AKT3: variants seen among roughly 807,000 people sequenced by gnomAD.
The protein encoded by AKT3 is AKT serine/threonine kinase 3.
In AKT3, 15 loss-of-function variants were observed where a neutral mutation model predicts 65.3. That is an observed-to-expected ratio of 0.23 (90% confidence interval 0.15 to 0.35). AKT3 has a LOEUF of 0.35. Ranked by LOEUF, AKT3 falls within the 10% of genes least tolerant of loss-of-function variation. The probability of loss-of-function intolerance (pLI) is 1.00; values close to 1 mark genes in which losing one functional copy is unlikely to be tolerated. For missense variants in AKT3, 243 were observed against 576.5 expected, an observed-to-expected ratio of 0.42 and a Z score of 5.92; for synonymous variants, 206 against 183.8, an observed-to-expected ratio of 1.12 and a Z score of -0.98.
chr1:243,732,882 C>G (rs1311465842), intron 2 of AKT3, among the ~76,000 whole-genome samples: 1 of 152,170 alleles, frequency 6.6e-6, no homozygotes, highest in Non-Finnish European at 1.5e-5. Context: ...GTAAACAGGA[C>G]TACTCTACAT....
At chr1:243,717,996 T>C (rs563820543) in intron 2 of AKT3, among the ~76,000 whole-genome samples, 1 of 152,356 alleles carries the variant, frequency 6.6e-6, no homozygotes, top group Admixed American at 6.5e-5. Flanking sequence ...AACATTTCTA[T>C]GATTACACCC....
intron 2 of AKT3, among the ~76,000 whole-genome samples, chr1:243,834,979 G>A (rs1485035488): frequency 2.0e-5 from 3 of 152,064 alleles, no homozygotes; most frequent in African/African-American, 7.2e-5. Context: ...TCAGAAGTGG[G>A]GGCAAATATA....
intron 8 of AKT3, among the ~76,000 whole-genome samples, chr1:243,582,164 A>G (rs1276682437): frequency 1.3e-5 from 2 of 152,156 alleles, no homozygotes; most frequent in Non-Finnish European, 2.9e-5. Context: ...CAATGTGGAA[A>G]ATATATTTGA....
intron 2 of AKT3, among the ~76,000 whole-genome samples, chr1:243,716,069 A>C (rs1229193168): frequency 6.6e-6 from 1 of 152,156 alleles, no homozygotes; most frequent in Non-Finnish European, 1.5e-5. Context: ...ATTTGTCTGT[A>C]AGGAAAAATT....
intron 2 of AKT3, among the ~76,000 whole-genome samples, chr1:243,761,148 C>T (rs976393863): frequency 2.6e-5 from 4 of 152,128 alleles, no homozygotes; most frequent in Admixed American, 2.0e-4. Context: ...ACTTCAAATA[C>T]TGAAAGTATC....
chr1:243,623,566 G>A (rs1678925198), intron 6 of AKT3, among the ~76,000 whole-genome samples: 1 of 152,130 alleles, frequency 6.6e-6, no homozygotes, highest in Non-Finnish European at 1.5e-5. Context: ...CTGGAATGGG[G>A]ACACTCCTCT....
chr1:243,751,747 A>G (rs912831845), intron 2 of AKT3, among the ~76,000 whole-genome samples: 3 of 152,058 alleles, frequency 2.0e-5, no homozygotes. Flanking sequence ...CTGAAACAGG[A>G]CCCAGCCCAC....
At chr1:243,752,660 C>T (rs1352333102) in intron 2 of AKT3, among the ~76,000 whole-genome samples, 1 of 152,174 alleles carries the variant, frequency 6.6e-6, no homozygotes, top group Non-Finnish European at 1.5e-5. Flanking sequence ...AACAGAAACA[C>T]TTTGCAGGTA....
chr1:243,805,633 T>A (rs905976049), intron 2 of AKT3, among the ~76,000 whole-genome samples: 142 of 152,310 alleles, frequency 9.3e-4, no homozygotes, highest in African/African-American at 3.3e-3. Context: ...GCCCCTTTAA[T>A]TTCATTTCCT....
chr1:243,624,940 C>T (rs997785567), intron 6 of AKT3: 1 of 270,394 alleles, frequency 3.7e-6, no homozygotes, highest in South Asian at 5.5e-5. Flanking sequence ...CTGATAATCA[C>T]TCTTGGTTTG....
intron 3 of AKT3, among the ~76,000 whole-genome samples, chr1:243,677,318 T>C (rs1034307765): frequency 6.6e-6 from 1 of 152,214 alleles, no homozygotes; most frequent in Non-Finnish European, 1.5e-5. Flanking sequence ...CTTCATCATA[T>C]GCTGTGATTT....
At chr1:243,710,319 A>G (rs889288593) in intron 2 of AKT3, among the ~76,000 whole-genome samples, 1 of 152,188 alleles carries the variant, frequency 6.6e-6, no homozygotes, top group African/African-American at 2.4e-5. Flanking sequence ...ATAAAAAACA[A>G]CAAAAATTAT....
intron 12 of AKT3, among the ~76,000 whole-genome samples, chr1:243,543,905 C>G (rs530089855): frequency 6.6e-6 from 1 of 152,230 alleles, no homozygotes; most frequent in African/African-American, 2.4e-5. Flanking sequence ...TCACCATACT[C>G]CCAGTAACCA....
intron 12 of AKT3, among the ~76,000 whole-genome samples, chr1:243,524,405 C>T (rs1239503290): frequency 6.6e-6 from 1 of 152,156 alleles, no homozygotes; most frequent in Non-Finnish European, 1.5e-5. Flanking sequence ...CACAGGGAAG[C>T]CTCCAAGCTC....
intron 6 of AKT3, among the ~76,000 whole-genome samples, chr1:243,618,796 C>T (rs919302751): frequency 1.7e-4 from 26 of 152,010 alleles, no homozygotes; most frequent in Admixed American, 1.6e-3. Context: ...CTATTACACA[C>T]GATCTAAAGT....
intron 8 of AKT3, among the ~76,000 whole-genome samples, chr1:243,604,475 C>T (rs558217424): frequency 2.6e-5 from 4 of 152,292 alleles, no homozygotes; most frequent in African/African-American, 9.6e-5. Flanking sequence ...GTGCTATATT[C>T]GGTGGGTGGG....
intron 2 of AKT3, among the ~76,000 whole-genome samples, chr1:243,758,704 G>C (rs1219730694): frequency 6.6e-6 from 1 of 152,122 alleles, no homozygotes; most frequent in Non-Finnish European, 1.5e-5. Context: ...AGTAAGGAGC[G>C]TGCAACCTAG....
chr1:243,747,150 G>A (rs907691907), intron 2 of AKT3, among the ~76,000 whole-genome samples: 2 of 152,182 alleles, frequency 1.3e-5, no homozygotes, highest in Non-Finnish European at 2.9e-5. Context: ...ATTAGAGATA[G>A]AGAGTGTAGA....
At chr1:243,849,998 C>T (rs1695697478) in intron 1 of AKT3, 42 bp downstream of exon 1, 1 of 982,634 alleles carries the variant, frequency 1.0e-6, no homozygotes, top group Non-Finnish European at 1.2e-6. Context: ...GGAGTGGAGG[C>T]CAGGCGGGGA....
Sources: gnomAD v4.1 joint callset for allele counts (sites outside exome capture counted in the v4.1 genomes callset) on GRCh38, gnomAD v4.1.1 for gene constraint, MANE v1.5 for transcripts, NCBI Gene and HGNC (gene_info 2026-07-23, HGNC 2026-07-21) for gene names.